Variants in CFAP299 observed in about 807,000 individuals in gnomAD.
CFAP299 encodes cilia and flagella associated protein 299, also known as cilia- and flagella-associated protein 299.
In CFAP299, 21 loss-of-function variants were observed where a neutral mutation model predicts 27.0. That is an observed-to-expected ratio of 0.78 (90% CI 0.55 to 1.12). The LOEUF (loss-of-function observed/expected upper bound fraction) is 1.12. Among genes scored for constraint, CFAP299 ranks in the 50% most tolerant of loss-of-function variants. CFAP299 has a pLI of 0.00. For missense variants in CFAP299, 310 were observed against 276.6 expected (o/e 1.12, Z -0.86); for synonymous variants, 104 against 98.1 (o/e 1.06, Z -0.36).
chr4:80,680,853 T>A (rs1719790760), intron 3 of CFAP299, among the ~76,000 whole-genome samples: 1 of 152,174 alleles, frequency 6.6e-6, no homozygotes, highest in Non-Finnish European at 1.5e-5. Flanking sequence ...AATTGAAGGA[T>A]GTAAAAGAGA....
At chr4:80,801,939 T>G (rs1728634357) in intron 3 of CFAP299, among the ~76,000 whole-genome samples, 1 of 152,156 alleles carries the variant, frequency 6.6e-6, no homozygotes, top group Non-Finnish European at 1.5e-5. Flanking sequence ...AGCACAACAG[T>G]GTTTTGCAAG....
At chr4:80,553,750 C>G (rs1284068233) in intron 2 of CFAP299, among the ~76,000 whole-genome samples, 1 of 152,062 alleles carries the variant, frequency 6.6e-6, no homozygotes, top group Non-Finnish European at 1.5e-5. Flanking sequence ...CTCAAATGGT[C>G]AGTGATACTG....
chr4:80,467,240 T>A (rs1729750401), intron 2 of CFAP299, among the ~76,000 whole-genome samples: 1 of 152,204 alleles, frequency 6.6e-6, no homozygotes, highest in African/African-American at 2.4e-5. Flanking sequence ...TACTGGCAAA[T>A]GCTATCAATC....
At chr4:80,907,529 C>A (rs570685395) in intron 4 of CFAP299, among the ~76,000 whole-genome samples, 8 of 152,130 alleles carry the variant, frequency 5.3e-5, no homozygotes, top group Non-Finnish European at 1.2e-4. Flanking sequence ...GATTGACAGT[C>A]CTGCAGGGCT....
At chr4:80,677,901 CA>C in intron 3 of CFAP299, among the ~76,000 whole-genome samples, 1 of 152,132 alleles carries the variant, frequency 6.6e-6, no homozygotes, top group East Asian at 1.9e-4. Context: ...CATTTCAAGC[CA>C]AAATTGTTTT....
chr4:80,840,425 G>A lies in CFAP299; in HGVS notation c.334-29568G>A, dbSNP rs114912850. ...TTTTGTCTTAAAGGTAAATGTTACC[G>A]GGTTATTTTGGCTTAGTTATCATGG... On this transcript the variant is annotated intron_variant, in intron 3 of 5. Coordinates refer to ENST00000358105, the MANE Select transcript of CFAP299 (RefSeq NM_152770.3). Among the ~76,000 whole-genome samples the A allele has an allele frequency of 6.0e-3, 918 of 152,156 alleles. 8 individuals carry two copies. The highest frequency in any genetic ancestry group is 0.021 in the African/African-American group (855 of 41,542).
intron 1 of CFAP299, among the ~76,000 whole-genome samples, chr4:80,355,608 G>A (rs550323301): frequency 2.0e-5 from 3 of 151,592 alleles, no homozygotes; most frequent in Non-Finnish European, 4.4e-5. Flanking sequence ...CATCTGCCTC[G>A]GCCTCCCAAT....
At chr4:80,387,604 C>G in intron 2 of CFAP299, 1 of 1,253,110 alleles carries the variant, frequency 8.0e-7, no homozygotes, top group South Asian at 1.2e-5. Flanking sequence ...CACAGAGTTT[C>G]GAGACACAGT....
chr4:80,359,632 C>T (rs1341749241), intron 1 of CFAP299, among the ~76,000 whole-genome samples: 5 of 152,322 alleles, frequency 3.3e-5, no homozygotes, highest in East Asian at 1.9e-4. Flanking sequence ...CTTGTGATTA[C>T]ATAATGAAAT....
chr4:80,460,293 G>A (rs1393162714), intron 2 of CFAP299, among the ~76,000 whole-genome samples: 2 of 152,216 alleles, frequency 1.3e-5, no homozygotes, highest in East Asian at 3.9e-4. Flanking sequence ...GGAAAGCTTG[G>A]CTGTTTATTT....
At position 80,414,720 on chromosome 4, in the gene CFAP299, A is replaced by G. The variant is rs532628875; in HGVS notation, c.242+51836A>G. The stretch of plus-strand genomic sequence containing the variant: ...CCTGCCCATCCCCTGAAGGACATAT[A>G]TTGTATTCTAACAGACTCCATTTTA... On this transcript the variant is annotated intron_variant, in intron 2 of 5. Coordinates refer to ENST00000358105, the MANE Select transcript of CFAP299 (RefSeq NM_152770.3). 2.9e-3 allele frequency among the ~76,000 whole-genome samples: 445 copies of G among 152,328 alleles called. 3 individuals carry two copies. The highest frequency in any genetic ancestry group is 7.4e-3 in the South Asian group (36 of 4,834).
At chr4:80,616,763 A>T (rs528520418) in intron 3 of CFAP299, among the ~76,000 whole-genome samples, 1 of 152,296 alleles carries the variant, frequency 6.6e-6, no homozygotes, top group Non-Finnish European at 1.5e-5. Flanking sequence ...GAACAAGTAT[A>T]CACAATCCTA....
chr4:80,334,528 G>A (rs776846627), upstream of CFAP299, among the ~76,000 whole-genome samples: 3 of 151,874 alleles, frequency 2.0e-5, no homozygotes, highest in Non-Finnish European at 2.9e-5. Flanking sequence ...CACCCACCTC[G>A]GCCTCCCAAA....
At chr4:80,781,171 G>T (rs995299772) in intron 3 of CFAP299, among the ~76,000 whole-genome samples, 21 of 151,982 alleles carry the variant, frequency 1.4e-4, no homozygotes, top group Middle Eastern at 3.4e-3. Context: ...CTGTTTTGAG[G>T]TACAAATTCA....
At chr4:80,914,068 A>C (rs1317349235) in intron 4 of CFAP299, among the ~76,000 whole-genome samples, 1 of 152,196 alleles carries the variant, frequency 6.6e-6, no homozygotes, top group African/African-American at 2.4e-5. Flanking sequence ...CTATAAAGAT[A>C]TGCCACGATT....
At chr4:80,351,259 A>G (rs1723001043) in intron 1 of CFAP299, among the ~76,000 whole-genome samples, 1 of 152,204 alleles carries the variant, frequency 6.6e-6, no homozygotes. Context: ...TTTTATATTT[A>G]AAGATTATTG....
intron 3 of CFAP299, among the ~76,000 whole-genome samples, chr4:80,851,766 T>G (rs1296619594): frequency 1.3e-5 from 2 of 152,154 alleles, no homozygotes; most frequent in African/African-American, 4.8e-5. Flanking sequence ...AGCCTTCATC[T>G]TCTGTTAAGC....
chr4:80,932,945 G>A (rs926879104), intron 4 of CFAP299, among the ~76,000 whole-genome samples: 2 of 151,870 alleles, frequency 1.3e-5, no homozygotes, highest in African/African-American at 4.8e-5. Flanking sequence ...AAAGACAATA[G>A]TGTTTAATAC....
chr4:80,399,480 G>T (rs1000398450), intron 2 of CFAP299, among the ~76,000 whole-genome samples: 1 of 152,086 alleles, frequency 6.6e-6, no homozygotes. Flanking sequence ...AGAAAATGTG[G>T]CACATATATA....
Sources: gnomAD v4.1 joint callset for allele counts (sites outside exome capture counted in the v4.1 genomes callset) on GRCh38, gnomAD v4.1.1 for gene constraint, MANE v1.5 for transcripts, NCBI Gene and HGNC (gene_info 2026-07-23, HGNC 2026-07-21) for gene names.